The following AGBL4 variants were observed in gnomAD, a reference collection of about 807,000 sequenced individuals.
AGBL4 encodes the protein AGBL carboxypeptidase 4.
AGBL4 carries 58 observed loss-of-function variants against 66.4 expected under a neutral mutation model. That is an observed-to-expected ratio of 0.87 (90% CI 0.71 to 1.09). AGBL4 has a LOEUF of 1.09. Among genes scored for constraint, AGBL4 ranks in the 50% least tolerant of loss-of-function variants. The pLI, the probability that AGBL4 is intolerant of heterozygous loss-of-function variation, is 0.00. For missense variants in AGBL4, 579 were observed against 631.0 expected, an observed-to-expected ratio of 0.92 and a Z score of 0.88; for synonymous variants, 234 against 222.9, an observed-to-expected ratio of 1.05 and a Z score of -0.44.
intron 2 of AGBL4, among the ~76,000 whole-genome samples, chr1:49,824,579 A>G (rs771854713): frequency 1.3e-5 from 2 of 152,208 alleles, no homozygotes; most frequent in Non-Finnish European, 2.9e-5. Context: ...ATTCACTTAA[A>G]CTGACCTTAG....
chr1:48,943,758 T>TTTGTTGTTGTTG (rs61662632), intron 5 of AGBL4, among the ~76,000 whole-genome samples: 1 of 151,082 alleles, frequency 6.6e-6, no homozygotes, highest in East Asian at 2.0e-4. Context: ...TGGGTGGTTG[T>TTTGTTGTTGTTG]TTGTTGTTGT....
chr1:49,264,400 G>T (rs1653525620), intron 3 of AGBL4, among the ~76,000 whole-genome samples: 1 of 152,096 alleles, frequency 6.6e-6, no homozygotes, highest in Admixed American at 6.5e-5. Context: ...AGCAAGTTGT[G>T]CCAATATCAT....
intron 5 of AGBL4, among the ~76,000 whole-genome samples, chr1:49,021,497 AC>A (rs1162272905): frequency 1.3e-5 from 2 of 152,116 alleles, no homozygotes; most frequent in African/African-American, 4.8e-5. Flanking sequence ...TTTAAAAGGA[AC>A]CAAAAAGACT....
intron 5 of AGBL4, among the ~76,000 whole-genome samples, chr1:48,884,157 T>G (rs1168244620): frequency 6.6e-6 from 1 of 152,226 alleles, no homozygotes; most frequent in East Asian, 1.9e-4. Context: ...CTATTGTTTT[T>G]CAGGCACCTG....
In AGBL4 at chr1:49,168,257, C is replaced by T. The variant is rs983888350; in HGVS notation, c.377+77513G>A. 2.6e-5 allele frequency among the ~76,000 whole-genome samples: 4 copies of T among 152,052 alleles called. 1 individual carries two copies. The highest frequency in any genetic ancestry group is 9.7e-5 in the African/African-American group (4 of 41,384). On this transcript the variant is annotated intron_variant, in intron 4 of 13. Transcript: ENST00000371839. ...TGATGCACATGTTAAGAGTTTCTTT[C>T]GAATACTTACCTAAAAGTAGAATTG...
At chr1:49,946,518 A>G (rs544408518) in intron 1 of AGBL4, among the ~76,000 whole-genome samples, 1 of 152,140 alleles carries the variant, frequency 6.6e-6, no homozygotes, top group East Asian at 1.9e-4. Context: ...GAATGATGAT[A>G]GTGACACATC....
At chr1:49,638,215 C>T (rs1039104597) in intron 3 of AGBL4, among the ~76,000 whole-genome samples, 1 of 152,084 alleles carries the variant, frequency 6.6e-6, no homozygotes, top group African/African-American at 2.4e-5. Flanking sequence ...ACTCTTTTAC[C>T]TCAGTGATGC....
intron 3 of AGBL4, among the ~76,000 whole-genome samples, chr1:49,355,163 C>T (rs1410363824): frequency 2.6e-5 from 4 of 152,154 alleles, no homozygotes; most frequent in Non-Finnish European, 5.9e-5. Context: ...AAAAACAACA[C>T]ATATTTCAAG....
intron 11 of AGBL4, among the ~76,000 whole-genome samples, chr1:48,558,721 G>A (rs1393157605): frequency 6.6e-6 from 1 of 152,218 alleles, no homozygotes; most frequent in African/African-American, 2.4e-5. Context: ...AGGACAGAGA[G>A]CTTCAGACCA....
chr1:48,744,329 A>G (rs1479920497), intron 6 of AGBL4, among the ~76,000 whole-genome samples: 1 of 152,220 alleles, frequency 6.6e-6, no homozygotes, highest in Non-Finnish European at 1.5e-5. Context: ...CAAATACCAA[A>G]GTTTCTTCTC....
chr1:49,675,603 A>G lies in AGBL4; in HGVS notation c.282+21710T>C, dbSNP rs191671646. ...CATGCTAATGATTCAGAAAACAGTA[A>G]TAAATCAGCCCCATGAGTCTATACC... On this transcript the variant is annotated intron_variant, in intron 3 of 13. Coordinates refer to ENST00000371839, the MANE Select transcript of AGBL4 (RefSeq NM_032785.4). Among the ~76,000 whole-genome samples the G allele has an allele frequency of 2.0e-4, 30 of 152,208 alleles. No individual in the cohort carries two copies. In the East Asian group the frequency reaches 5.8e-3, roughly 29 times the overall value.
chr1:49,705,955 A>T (rs1647205921), intron 2 of AGBL4, among the ~76,000 whole-genome samples: 1 of 152,096 alleles, frequency 6.6e-6, no homozygotes, highest in Admixed American at 6.6e-5. Context: ...CCAGTATTTT[A>T]TTGAGGATTT....
At chr1:49,141,025 G>GA (rs887982475) in intron 4 of AGBL4, among the ~76,000 whole-genome samples, 6 of 152,052 alleles carry the variant, frequency 3.9e-5, no homozygotes, top group African/African-American at 1.4e-4. Flanking sequence ...AATCAAGAGG[G>GA]AAACTCAGTT....
chr1:49,622,401 G>A lies in AGBL4; in HGVS notation c.282+74912C>T, dbSNP rs183207244. 2.8e-4 allele frequency among the ~76,000 whole-genome samples: 42 copies of A among 151,804 alleles called. 1 individual carries two copies. Among genetic ancestry groups the A allele is most frequent in the African/African-American group, 8.9e-4 (37 of 41,426 alleles). On this transcript the variant is annotated intron_variant, in intron 3 of 13. Transcript: ENST00000371839. Reference sequence around the variant, plus strand: ...TCCCAGCACTTTGGGAGGCCGAGGCGGGCGGATCACGAGGTCAGGAGATCG... The same window carrying A: ...TCCCAGCACTTTGGGAGGCCGAGGCAGGCGGATCACGAGGTCAGGAGATCG...
At chr1:49,536,837 C>T (rs535171905) in intron 3 of AGBL4, among the ~76,000 whole-genome samples, 12 of 152,088 alleles carry the variant, frequency 7.9e-5, no homozygotes, top group African/African-American at 2.4e-4. Context: ...GGCAAAACCC[C>T]GTCTCTACTA....
At chr1:48,899,122 C>T (rs1446744394) in intron 5 of AGBL4, among the ~76,000 whole-genome samples, 2 of 152,226 alleles carry the variant, frequency 1.3e-5, no homozygotes, top group African/African-American at 4.8e-5. Context: ...GTCGTGAAGC[C>T]CCCGACAGGC....
chr1:49,184,091 A>G (rs1263477257), intron 4 of AGBL4, among the ~76,000 whole-genome samples: 1 of 152,070 alleles, frequency 6.6e-6, no homozygotes, highest in Non-Finnish European at 1.5e-5. Flanking sequence ...ATAAAAGAAG[A>G]AAAAAACTAA....
intron 2 of AGBL4, among the ~76,000 whole-genome samples, chr1:49,698,341 C>A (rs952679031): frequency 1.3e-5 from 2 of 152,062 alleles, no homozygotes; most frequent in Non-Finnish European, 2.9e-5. Flanking sequence ...TTGAAATTAA[C>A]GTACACAATG....
intron 3 of AGBL4, chr1:49,469,955 T>C (rs1646708677): frequency 6.6e-6 from 1 of 151,916 alleles, no homozygotes. Context: ...CACTTCCTAA[T>C]AGTGTGTCCT....
Sources: allele counts gnomAD v4.1 joint callset (sites outside exome capture counted in the v4.1 genomes callset), GRCh38; gene constraint gnomAD v4.1.1; transcripts MANE v1.5; gene names NCBI Gene and HGNC (gene_info 2026-07-23, HGNC 2026-07-21).